The following CDH4 variants were observed in gnomAD, a reference collection of about 807,000 sequenced individuals.
CDH4 encodes the protein cadherin 4.
In CDH4, 33 loss-of-function variants were observed where a neutral mutation model predicts 86.0. That is an observed-to-expected ratio of 0.38 (90% CI 0.29 to 0.51). The LOEUF is 0.51. Ranked by LOEUF, CDH4 falls within the 20% of genes least tolerant of loss-of-function variation. The pLI is 0.86. For synonymous variants in CDH4, 555 were observed against 549.4 expected, an observed-to-expected ratio of 1.01 and a Z score of -0.14; for missense variants, 1,114 against 1,307.4, an observed-to-expected ratio of 0.85 and a Z score of 2.28.
At chr20:61,710,900 T>A (rs2087884310) in intron 2 of CDH4, among the ~76,000 whole-genome samples, 1 of 152,210 alleles carries the variant, frequency 6.6e-6, no homozygotes, top group South Asian at 2.1e-4. Flanking sequence ...GTGCACCAGA[T>A]TCCTGTCACT....
At chr20:61,477,502 G>A (rs528083840) in intron 2 of CDH4, among the ~76,000 whole-genome samples, 135 of 152,334 alleles carry the variant, frequency 8.9e-4, no homozygotes, top group African/African-American at 2.9e-3. Flanking sequence ...GCCAATCCAG[G>A]CCAGGACTGG....
intron 2 of CDH4, among the ~76,000 whole-genome samples, chr20:61,337,843 T>C (rs1036948910): frequency 6.6e-6 from 1 of 152,224 alleles, no homozygotes; most frequent in African/African-American, 2.4e-5. Context: ...GCTGTGAAGA[T>C]AGAAATGGAG....
intron 2 of CDH4, among the ~76,000 whole-genome samples, chr20:61,397,856 A>G (rs1270663782): frequency 4.6e-5 from 7 of 152,190 alleles, no homozygotes; most frequent in Non-Finnish European, 8.8e-5. Flanking sequence ...GTCTAGAACC[A>G]TGGTACTGAA....
rs779375514 is a variant in CDH4 at position 61,547,198 on chromosome 20, C to CTTT, written c.170-196342_170-196340dup. Among the ~76,000 whole-genome samples, 52 of 93,640 alleles carry CTTT rather than the reference C, an allele frequency of 5.6e-4. 1 individual carries two copies. The highest frequency in any genetic ancestry group is 1.5e-3 in the African/African-American group (32 of 21,080). The allele number at this position is 93,640 out of a possible 152,430, so 61.4% of individuals were successfully genotyped here. Reference sequence around the variant, plus strand: ...CTCTCACATACTCAGCCCCAGAGCTCTTTTTTTTTTTTTTTTTTTTTTTTT... The same window carrying CTTT: ...CTCTCACATACTCAGCCCCAGAGCTCTTTTTTTTTTTTTTTTTTTTTTTTTTTT... On this transcript the variant is annotated intron_variant, in intron 2 of 15. Transcript: ENST00000614565.
chr20:61,312,215 G>T (rs148161331), intron 2 of CDH4, among the ~76,000 whole-genome samples: 1 of 150,010 alleles, frequency 6.7e-6, no homozygotes, highest in African/African-American at 2.5e-5. Flanking sequence ...GCATATGTGC[G>T]GTGTGTGTGT....
rs2085152782 is a variant in CDH4, at chr20:61,417,381, A to G, written c.169+162444A>G. Among the ~76,000 whole-genome samples, 1 of 151,768 alleles carries G rather than the reference A, an allele frequency of 6.6e-6. No individual in the cohort carries two copies. The highest frequency in any genetic ancestry group is 6.6e-5 in the Admixed American group (1 of 15,246). On this transcript the variant is annotated intron_variant, in intron 2 of 15. Transcript: ENST00000614565. This position sits in a 1 kb window ranked among gnomAD's most constrained non-coding sequence, Gnocchi z 4.0. ...TCTCCTCCCTCTCCCTGTTACCAGC[A>G]AACCTGCTGAGGTCACCTATTCCAC... is the stretch of plus-strand genomic sequence containing the variant.
At chr20:61,917,203 C>T (rs905541740) in intron 9 of CDH4, among the ~76,000 whole-genome samples, 1 of 152,220 alleles carries the variant, frequency 6.6e-6, no homozygotes, top group Non-Finnish European at 1.5e-5. Flanking sequence ...CGCCTTGCCA[C>T]CTCCCAGGCT....
chr20:61,449,205 C>T lies in CDH4; in HGVS notation c.169+194268C>T, dbSNP rs58274357. ...ATTAGCGTTTTAACCCAAGCCAAGG[C>T]TGTCCTCAGAGGCCCACAGCATGGT... On this transcript the variant is annotated intron_variant, in intron 2 of 15. Coordinates refer to ENST00000614565, the MANE Select transcript of CDH4 (RefSeq NM_001794.5). Among the ~76,000 whole-genome samples, 648 of 152,310 alleles carry T rather than the reference C, an allele frequency of 4.3e-3. 20 individuals are homozygous for T. In the East Asian group the frequency reaches 0.058, roughly 14 times the overall value.
chr20:61,829,818 A>T lies in CDH4; in HGVS notation c.577-14850A>T, dbSNP rs914348545. On this transcript the variant is annotated intron_variant, in intron 4 of 15. Transcript: ENST00000614565. The surrounding 1 kb of genome is among the most constrained non-coding windows in gnomAD (Gnocchi z 4.2). ...CAGGGAGTCTGTGCAGCCCTCCTCC[A>T]GACCCCAGTCCCCTTGGACCAGGGG... 2.0e-5 allele frequency among the ~76,000 whole-genome samples: 3 copies of T among 152,010 alleles called. No individual in the cohort carries two copies. The highest frequency in any genetic ancestry group is 7.3e-5 in the African/African-American group (3 of 41,374).
intron 2 of CDH4, among the ~76,000 whole-genome samples, chr20:61,273,685 T>C (rs2084201481): frequency 6.9e-6 from 1 of 145,578 alleles, no homozygotes; most frequent in Non-Finnish European, 1.5e-5. Context: ...GTGTGCAGTT[T>C]GGGGGAGTAC....
intron 4 of CDH4, among the ~76,000 whole-genome samples, chr20:61,778,646 TGAG>T (rs996253052): frequency 2.6e-5 from 4 of 151,902 alleles, no homozygotes; most frequent in African/African-American, 9.7e-5. Flanking sequence ...GAGTGGTGAG[TGAG>T]GAGGTGTACC....
rs556393880 is a variant in CDH4 at position 61,336,306 on chromosome 20, T to G, written c.169+81369T>G. Among the ~76,000 whole-genome samples the G allele has an allele frequency of 1.9e-4, 29 of 152,336 alleles. No individual in the cohort carries two copies. The South Asian group carries it at 6.0e-3, about 32-fold the overall frequency. Reference sequence around the variant, plus strand: ...TTAAATGAGTGATGTGTATAAAATATGCACTGTGACTAACACATAGAAGTG... The same window carrying G: ...TTAAATGAGTGATGTGTATAAAATAGGCACTGTGACTAACACATAGAAGTG... On this transcript the variant is annotated intron_variant, in intron 2 of 15. Coordinates refer to ENST00000614565, the MANE Select transcript of CDH4 (RefSeq NM_001794.5).
chr20:61,931,295 C>G (rs1231169678), intron 13 of CDH4, among the ~76,000 whole-genome samples: 1 of 152,236 alleles, frequency 6.6e-6, no homozygotes, highest in Non-Finnish European at 1.5e-5. Flanking sequence ...CAGTGCGTGG[C>G]TCCTCCCTCC....
chr20:61,714,468 T>A (rs2087930543), intron 2 of CDH4, among the ~76,000 whole-genome samples: 1 of 151,004 alleles, frequency 6.6e-6, no homozygotes, highest in Non-Finnish European at 1.5e-5. Flanking sequence ...GTGTTTTTGG[T>A]GACATGGATG....
At chr20:61,538,962 T>G (rs1423947623) in intron 2 of CDH4, among the ~76,000 whole-genome samples, 1 of 152,174 alleles carries the variant, frequency 6.6e-6, no homozygotes, top group Non-Finnish European at 1.5e-5. Context: ...AGGAGGTGGC[T>G]TGGGCCTGGG....
intron 2 of CDH4, among the ~76,000 whole-genome samples, chr20:61,550,942 G>C (rs891258269): frequency 1.3e-5 from 2 of 152,260 alleles, no homozygotes; most frequent in Admixed American, 1.3e-4. Context: ...AGCTGATGGG[G>C]AGAGTGGGAA....
chr20:61,728,825 C>T (rs993247686), intron 2 of CDH4, among the ~76,000 whole-genome samples: 5 of 152,178 alleles, frequency 3.3e-5, no homozygotes, highest in African/African-American at 9.7e-5. Flanking sequence ...AAAAATAACT[C>T]GCACTTCTCC....
At position 61,773,074 on chromosome 20, in the gene CDH4, C is replaced by T; in HGVS notation, c.468C>T (p.Pro156=). Residue 156 remains proline (P), a synonymous_variant, in exon 4 of 16, where the codon CCC becomes CCT. Coordinates refer to ENST00000614565, the MANE Select transcript of CDH4 (RefSeq NM_001794.5). ...PPPKDTLLPW[P]QHQNANGLRR... The stretch of plus-strand genomic sequence containing the variant: ...CGAAGGACACCCTGCTGCCGTGGCC[C>T]CAGCACCAGAACGCCAACGGGCTGA... 1 of 1,613,692 alleles carries T rather than the reference C, an allele frequency of 6.2e-7. No individual in the cohort carries two copies.
intron 2 of CDH4, among the ~76,000 whole-genome samples, chr20:61,478,822 C>G (rs923545736): frequency 6.6e-6 from 1 of 152,222 alleles, no homozygotes; most frequent in Non-Finnish European, 1.5e-5. Flanking sequence ...GCCATTCGTT[C>G]GTGTGGGCAC....
Sources: gnomAD v4.1 joint callset for allele counts (sites outside exome capture counted in the v4.1 genomes callset) on GRCh38, gnomAD v4.1.1 for gene constraint, Gnocchi (gnomAD v3.1) non-coding constraint, MANE v1.5 for transcripts, NCBI Gene and HGNC (gene_info 2026-07-23, HGNC 2026-07-21) for gene names.